XPO7: variants seen among roughly 807,000 people sequenced by gnomAD.
XPO7 encodes exportin-7.
A neutral mutation model predicts 144.3 loss-of-function variants in XPO7; 21 were observed. The observed-to-expected ratio is 0.15, with a 90% CI of 0.10 to 0.21. The LOEUF (loss-of-function observed/expected upper bound fraction) is 0.21, where lower values mean the gene tolerates loss of function less well. XPO7 is among the 10% of genes least tolerant of loss of function. The probability of loss-of-function intolerance (pLI) is 1.00; values close to 1 mark genes in which losing one functional copy is unlikely to be tolerated. For synonymous variants in XPO7, 580 were observed against 499.6 expected (o/e 1.16, Z -2.15); for missense variants, 808 against 1,325.8 (o/e 0.61, Z 6.06).
At chr8:21,962,517 G>C (rs183053861) in intron 1 of XPO7, among the ~76,000 whole-genome samples, 108 of 152,274 alleles carry the variant, frequency 7.1e-4, no homozygotes, top group Non-Finnish European at 1.2e-3. Context: ...CTAATGTGAA[G>C]AGTTAATTTA....
In XPO7 at chr8:22,003,912, G is replaced by T; in HGVS notation, c.3052G>T (p.Asp1018Tyr). The T allele has an allele frequency of 1.2e-6, 2 of 1,613,712 alleles. No individual in the cohort carries two copies. Among genetic ancestry groups the T allele is most frequent in the South Asian group, 2.2e-5 (2 of 91,024 alleles). ...ACTCCTTGCCCCACAGTATTTTTCT[G>T]ACCTAAGAAACAGTATTGTGAACAG... ...LILLNEKYFSDLRNSIVNSQP... is the reference protein window; with the variant it reads ...LILLNEKYFSYLRNSIVNSQP... Residue 1018 changes from aspartate to tyrosine, a missense_variant, in exon 27 of 28, where the codon GAC becomes TAC. Around this residue, in one of 5 missense-constraint regions of XPO7, gnomAD observed 140 missense variants for 237.9 expected, o/e 0.59. Transcript: ENST00000252512.
intron 1 of XPO7, among the ~76,000 whole-genome samples, chr8:21,956,771 C>T (rs1429284378): frequency 1.3e-5 from 2 of 151,000 alleles, no homozygotes; most frequent in Non-Finnish European, 1.5e-5. Flanking sequence ...TGTTATTCCA[C>T]ACTTGCAATT....
chr8:21,996,523 T>C (rs765951243), intron 21 of XPO7, among the ~76,000 whole-genome samples: 1 of 152,212 alleles, frequency 6.6e-6, no homozygotes, highest in African/African-American at 2.4e-5. Flanking sequence ...CATCTGGTAA[T>C]GGTGCCTTGT....
chr8:21,929,730 ATGGC>A (rs1810582112), intron 1 of XPO7, among the ~76,000 whole-genome samples: 1 of 152,192 alleles, frequency 6.6e-6, no homozygotes, highest in African/African-American at 2.4e-5. Flanking sequence ...CTAAGTTGAA[ATGGC>A]TAAGATAGCC....
chr8:21,987,902 G>T (rs1240156045), intron 15 of XPO7, 45 bp downstream of exon 15: 3 of 1,586,742 alleles, frequency 1.9e-6, no homozygotes, highest in Admixed American at 1.7e-5. Flanking sequence ...TTGCACTCCT[G>T]TTGCAACTGT....
At chr8:21,995,454 C>G in intron 20 of XPO7, 38 bp from the exon 21 acceptor site, 2 of 1,542,110 alleles carry the variant, frequency 1.3e-6, no homozygotes, top group Non-Finnish European at 1.8e-6. Context: ...CTGTACCTTT[C>G]TGGAATCAGA....
intron 10 of XPO7, 72 bp downstream of exon 10, chr8:21,981,949 A>G: frequency 6.3e-7 from 1 of 1,578,140 alleles, no homozygotes; most frequent in Non-Finnish European, 8.6e-7. Context: ...TAACCATGTA[A>G]GAATATATTT....
At position 22,003,484 on chromosome 8, in the gene XPO7, C is replaced by G. The variant is rs368066124; in HGVS notation, c.3042+167C>G. Among the ~76,000 whole-genome samples, 80 of 152,342 alleles carry G rather than the reference C, an allele frequency of 5.3e-4. 1 individual carries two copies. The South Asian group carries it at 0.014, about 27-fold the overall frequency. ...ATTTGTGCTTTCAGTATCACATAAT[C>G]ATTTAACTGTTAGAAGTCAGCATGT... On this transcript the variant is annotated intron_variant, in intron 26 of 27. Transcript: ENST00000252512.
At chr8:21,974,579 C>A in intron 5 of XPO7, 91 bp from the exon 6 acceptor site, 1 of 808,274 alleles carries the variant, frequency 1.2e-6, no homozygotes, top group Non-Finnish European at 1.9e-6. Flanking sequence ...GTTGCTCTTA[C>A]TGGAAATCCT....
rs1176984755 is a variant in XPO7, at chr8:22,006,543, G to A, written c.*1455G>A. The A allele has an allele frequency of 6.6e-6, 1 of 152,188 alleles. No homozygotes were observed. Among genetic ancestry groups the A allele is most frequent in the African/African-American group, 2.4e-5 (1 of 41,420 alleles). 9.4% of individuals were successfully genotyped at this position (152,188 alleles called of 1,614,324 possible). ...TGTAAGGGTGTTTGCTGCATACAGT[G>A]TAAGCATTGTGACCGCCAATAAACT... On this transcript the variant is annotated 3_prime_UTR_variant, in exon 28 of 28. Coordinates refer to ENST00000252512, the MANE Select transcript of XPO7 (RefSeq NM_015024.5).
chr8:21,921,262 A>C (rs887923227), intron 1 of XPO7, among the ~76,000 whole-genome samples: 1 of 152,194 alleles, frequency 6.6e-6, no homozygotes, highest in African/African-American at 2.4e-5. Context: ...CTCAGGCAGG[A>C]ATTACTTCTG....
At chr8:21,954,973 A>G (rs1180593558) in intron 1 of XPO7, among the ~76,000 whole-genome samples, 1 of 152,226 alleles carries the variant, frequency 6.6e-6, no homozygotes, top group Non-Finnish European at 1.5e-5. Flanking sequence ...GTACTGAGCT[A>G]TTACAGGATT....
chr8:21,980,763 A>G (rs2039086862), intron 9 of XPO7, among the ~76,000 whole-genome samples: 1 of 151,650 alleles, frequency 6.6e-6, no homozygotes, highest in South Asian at 2.1e-4. Context: ...CGACAGAGTA[A>G]GACTCCGTCT....
chr8:22,002,674 G>C (rs1187052249), intron 25 of XPO7, among the ~76,000 whole-genome samples: 1 of 152,156 alleles, frequency 6.6e-6, no homozygotes, highest in African/African-American at 2.4e-5. Context: ...GCCACAGAGA[G>C]ATCAAACCAT....
At position 21,999,527 on chromosome 8, in the gene XPO7, C is replaced by T. The variant is rs1813067870; in HGVS notation, c.2644-9C>T. 1 of 1,613,888 alleles carries T rather than the reference C, an allele frequency of 6.2e-7. No individual in the cohort carries two copies. Among genetic ancestry groups the T allele is most frequent in the Non-Finnish European group, 8.5e-7 (1 of 1,179,810 alleles). On this transcript the variant is annotated splice_polypyrimidine_tract_variant and intron_variant, in intron 23 of 27. Transcript: ENST00000252512. ...CTAAGCTGATTTTCTTCCTCTTCCT[C>T]TCCCACAGGATTACCCCAAGCTCAG...
chr8:21,971,282 G>A (rs184172014), intron 4 of XPO7, among the ~76,000 whole-genome samples: 19 of 152,164 alleles, frequency 1.2e-4, no homozygotes, highest in Non-Finnish European at 2.9e-5. Flanking sequence ...AGAACGTGTC[G>A]CCATCATTCA....
rs1811304302 is a variant in XPO7 at position 21,949,613 on chromosome 8, A to C, written c.19-17244A>C. 2.6e-5 allele frequency among the ~76,000 whole-genome samples: 4 copies of C among 152,376 alleles called. No individual in the cohort carries two copies. The South Asian group carries it at 8.3e-4, about 32-fold the overall frequency. On this transcript the variant is annotated intron_variant, in intron 1 of 27. Coordinates refer to ENST00000252512, the MANE Select transcript of XPO7 (RefSeq NM_015024.5). ...TATGGGAGTGTTACCTATAGTGTTA[A>C]AGGCCACGTGGTTCATGACTTTCTT...
chr8:21,931,361 C>A (rs1254262996), intron 1 of XPO7, among the ~76,000 whole-genome samples: 1 of 152,080 alleles, frequency 6.6e-6, no homozygotes, highest in African/African-American at 2.4e-5. Context: ...TGGGGTTTCA[C>A]CATGTTGGTC....
At chr8:21,922,309 CT>C (rs59272400) in intron 1 of XPO7, among the ~76,000 whole-genome samples, 1 of 152,082 alleles carries the variant, frequency 6.6e-6, no homozygotes, top group Non-Finnish European at 1.5e-5. Context: ...TGCTATAAAA[CT>C]TTAGTAATGG....
Sources: gnomAD v4.1 joint callset for allele counts (sites outside exome capture counted in the v4.1 genomes callset) on GRCh38, gnomAD v4.1.1 for gene constraint, gnomAD v4.1.1 regional missense constraint, MANE v1.5 for transcripts, NCBI Gene and HGNC (gene_info 2026-07-23, HGNC 2026-07-21) for gene names.